The following API5 variants were observed in gnomAD, a reference collection of about 807,000 sequenced individuals.
API5 encodes the protein apoptosis inhibitor 5.
Under a neutral mutation model 71.9 loss-of-function variants are expected in API5, and 6 were observed. That is an observed-to-expected ratio of 0.08 (90% CI 0.05 to 0.16). API5 has a LOEUF of 0.16. Ranked by LOEUF, API5 falls within the 10% of genes least tolerant of loss-of-function variation. The pLI, the probability that API5 is intolerant of heterozygous loss-of-function variation, is 1.00. For synonymous variants in API5, 189 were observed against 221.3 expected, an observed-to-expected ratio of 0.85 and a Z score of 1.30; for missense variants, 332 against 612.8, an observed-to-expected ratio of 0.54 and a Z score of 4.84.
chr11:43,312,484 T>A (rs927696218), intron 1 of API5, among the ~76,000 whole-genome samples: 8 of 130 alleles, frequency 0.062, no homozygotes, highest in Non-Finnish European at 0.1. Flanking sequence ...TTAATTCTTC[T>A]CACGGAGCTT....
intron 11 of API5, among the ~76,000 whole-genome samples, chr11:43,332,366 G>A (rs893703119): frequency 6.6e-6 from 1 of 152,164 alleles, no homozygotes; most frequent in Non-Finnish European, 1.5e-5. Flanking sequence ...CACTTCTGAT[G>A]ACAGTTGCAA....
At chr11:43,324,142 C>G (rs1854990104) in intron 6 of API5, among the ~76,000 whole-genome samples, 1 of 152,156 alleles carries the variant, frequency 6.6e-6, no homozygotes, top group Non-Finnish European at 1.5e-5. Context: ...CTCAGCCTCC[C>G]AAGTAGCTGC....
At chr11:43,315,133 T>TTC (rs1854625690) in intron 1 of API5, among the ~76,000 whole-genome samples, 1 of 152,212 alleles carries the variant, frequency 6.6e-6, no homozygotes, top group African/African-American at 2.4e-5. Flanking sequence ...ACTACAGGTG[T>TTC]TCTGATTGCT....
intron 11 of API5, among the ~76,000 whole-genome samples, chr11:43,334,001 T>C (rs1238331493): frequency 3.9e-5 from 6 of 152,236 alleles, no homozygotes; most frequent in Non-Finnish European, 4.4e-5. Flanking sequence ...GCAGTTTTTT[T>C]CTGAATATTT....
chr11:43,313,727 G>A (rs1211374200), intron 1 of API5, among the ~76,000 whole-genome samples: 1 of 152,148 alleles, frequency 6.6e-6, no homozygotes, highest in Non-Finnish European at 1.5e-5. Flanking sequence ...AATGTATACG[G>A]ATGTTCTGCT....
intron 1 of API5, 114 bp downstream of exon 1, chr11:43,312,310 C>T (rs1248876242): frequency 1.3e-5 from 14 of 1,118,080 alleles, no homozygotes; most frequent in East Asian, 5.1e-5. Flanking sequence ...CTCCCGGGGC[C>T]TCCTAGCCTC....
At chr11:43,320,592 G>A (rs369726326) in intron 2 of API5, among the ~76,000 whole-genome samples, 3 of 151,900 alleles carry the variant, frequency 2.0e-5, no homozygotes, top group Non-Finnish European at 4.4e-5. Context: ...TTAGCCAGGC[G>A]TGGAGGCTTG....
intron 13 of API5, among the ~76,000 whole-genome samples, chr11:43,337,975 CA>C (rs941726546): frequency 5.3e-5 from 8 of 151,956 alleles, no homozygotes; most frequent in African/African-American, 1.9e-4. Context: ...TAAAAAGACA[CA>C]AAAAAACTGT....
chr11:43,328,001 T>A (rs1855131530), intron 8 of API5, 123 bp downstream of exon 8: 2 of 531,334 alleles, frequency 3.8e-6, no homozygotes, highest in African/African-American at 3.9e-5. Flanking sequence ...TCCTAATAAG[T>A]ATTGTTAGCT....
intron 13 of API5, among the ~76,000 whole-genome samples, chr11:43,341,440 C>T (rs1216973109): frequency 2.0e-5 from 3 of 152,142 alleles, no homozygotes; most frequent in African/African-American, 7.2e-5. Context: ...TTTGCAGCAA[C>T]ATGGAAGGAA....
At chr11:43,322,253 C>T in intron 5 of API5, 117 bp downstream of exon 5, 1 of 957,250 alleles carries the variant, frequency 1.0e-6, no homozygotes, top group Non-Finnish European at 1.4e-6. Flanking sequence ...TCATATATCC[C>T]ATTGGAACCA....
chr11:43,322,301 C>T (rs1854921900), intron 5 of API5, among the ~76,000 whole-genome samples, 165 bp downstream of exon 5: 1 of 152,020 alleles, frequency 6.6e-6, no homozygotes, highest in Non-Finnish European at 1.5e-5. Flanking sequence ...TTGAATTTAG[C>T]ACTTTTGTCG....
At chr11:43,326,979 C>T (rs1431895894) in intron 7 of API5, among the ~76,000 whole-genome samples, 3 of 152,198 alleles carry the variant, frequency 2.0e-5, no homozygotes, top group Non-Finnish European at 4.4e-5. Context: ...CCCCTCCCAA[C>T]TTTGTATCTC....
chr11:43,314,292 C>T (rs1476521189), intron 1 of API5, among the ~76,000 whole-genome samples: 1 of 152,150 alleles, frequency 6.6e-6, no homozygotes, highest in African/African-American at 2.4e-5. Flanking sequence ...AAAGCTACAA[C>T]AGTGGTTGTG....
At chr11:43,318,870 T>A in intron 2 of API5, 69 bp downstream of exon 2, 1 of 1,464,202 alleles carries the variant, frequency 6.8e-7, no homozygotes, top group Non-Finnish European at 9.4e-7. Flanking sequence ...ACAATTGGAG[T>A]AGCAATCTGA....
chr11:43,336,096 C>A, intron 13 of API5, 102 bp downstream of exon 13: 1 of 1,427,662 alleles, frequency 7.0e-7, no homozygotes, highest in Non-Finnish European at 9.4e-7. Context: ...TGGTTCTATC[C>A]AATGACTTTT....
chr11:43,342,996 C>T lies in API5; in HGVS notation c.*486C>T, dbSNP rs1029382834. On this transcript the variant is annotated 3_prime_UTR_variant, in exon 14 of 14. Transcript: ENST00000531273. ...GCTGGGCAGTGGTGCAGCATTCCTA[C>T]CTAGTGTCATAAAAGCAAAATACTT... 2.5e-5 allele frequency: 5 copies of T among 203,510 alleles called. No individual in the cohort carries two copies. Among genetic ancestry groups the T allele is most frequent in the Non-Finnish European group, 4.9e-5 (5 of 102,466 alleles). 12.6% of individuals were successfully genotyped at this position (203,510 alleles called of 1,614,324 possible).
intron 10 of API5, 122 bp downstream of exon 10, chr11:43,330,180 A>G (rs1855207267): frequency 2.6e-6 from 2 of 772,446 alleles, no homozygotes; most frequent in Non-Finnish European, 2.1e-6. Context: ...CCCAGTCCTA[A>G]TGAAATATTT....
intron 13 of API5, among the ~76,000 whole-genome samples, chr11:43,338,059 C>A (rs1209668099): frequency 6.6e-6 from 1 of 152,266 alleles, no homozygotes. Flanking sequence ...TATTCCCAGT[C>A]TTCAAAATAA....
Sources: gnomAD v4.1 joint callset for allele counts (sites outside exome capture counted in the v4.1 genomes callset) on GRCh38, gnomAD v4.1.1 for gene constraint, MANE v1.5 for transcripts, NCBI Gene and HGNC (gene_info 2026-07-23, HGNC 2026-07-21) for gene names.